Variants in XPO5 observed in about 807,000 individuals in gnomAD.
XPO5 encodes the protein exportin-5.
Under a neutral mutation model 160.6 loss-of-function variants are expected in XPO5, and 46 were observed. The observed-to-expected ratio is 0.29, with a 90% confidence interval of 0.23 to 0.37. The LOEUF (loss-of-function observed/expected upper bound fraction) is 0.37, where lower values mean the gene tolerates loss of function less well. Among genes scored for constraint, XPO5 ranks in the 10% least tolerant of loss-of-function variants. The pLI is 1.00. For missense variants in XPO5, 1,090 were observed against 1,463.9 expected (o/e 0.74, Z 4.17); for synonymous variants, 537 against 519.3 (o/e 1.03, Z -0.46).
At chr6:43,564,598 A>G (rs1382208222) in intron 8 of XPO5, among the ~76,000 whole-genome samples, 1 of 152,028 alleles carries the variant, frequency 6.6e-6, no homozygotes, top group Non-Finnish European at 1.5e-5. Context: ...TTAACTTTAT[A>G]AACTTTTAAA....
At chr6:43,545,089 T>C (rs1362995494) in intron 20 of XPO5, among the ~76,000 whole-genome samples, 2 of 151,888 alleles carry the variant, frequency 1.3e-5, no homozygotes, top group Admixed American at 1.3e-4. Flanking sequence ...GCCAGGCTGG[T>C]CTGAAACTCC....
intron 12 of XPO5, among the ~76,000 whole-genome samples, chr6:43,556,937 G>A (rs991241068): frequency 1.3e-5 from 2 of 152,060 alleles, no homozygotes; most frequent in Non-Finnish European, 2.9e-5. Context: ...AGACCAGCCT[G>A]GCCAACATGA....
At chr6:43,570,724 C>CCACTCAG in intron 4 of XPO5, 40 bp from the exon 5 acceptor site, 1 of 1,546,246 alleles carries the variant, frequency 6.5e-7, no homozygotes, top group Non-Finnish European at 8.7e-7. Context: ...ACTAAAATAT[C>CCACTCAG]TTTTCATTTT....
intron 19 of XPO5, 183 bp downstream of exon 19, chr6:43,547,422 TCTG>T: frequency 1.5e-6 from 1 of 686,726 alleles, no homozygotes; most frequent in South Asian, 1.5e-5. Context: ...GACCATCTGC[TCTG>T]CTGTGGGAAC....
At chr6:43,536,742 AGAGT>A (rs1444107458) in intron 20 of XPO5, among the ~76,000 whole-genome samples, 1 of 132,348 alleles carries the variant, frequency 7.6e-6, no homozygotes, top group Non-Finnish European at 1.6e-5. Flanking sequence ...CCTGGACGAC[AGAGT>A]GAGACTCTAT....
At chr6:43,567,611 G>A (rs1762760355) in intron 6 of XPO5, among the ~76,000 whole-genome samples, 3 of 151,990 alleles carry the variant, frequency 2.0e-5, no homozygotes, top group Non-Finnish European at 4.4e-5. Flanking sequence ...TACTTCCCAA[G>A]GCTGGGTGCA....
Position 43,531,587 on chromosome 6 carries a change from T to C in XPO5, c.2444-12A>G. 6.2e-7 allele frequency: 1 copy of C among 1,607,026 alleles called. No individual in the cohort carries two copies. The highest frequency in any genetic ancestry group is 8.5e-7 in the Non-Finnish European group (1 of 1,173,618). ...AGGTTGAGGTAATCCTACAGGGAAA[T>C]ACGGGTCAAGAACATGATGCTCCAC... On this transcript the variant is annotated splice_polypyrimidine_tract_variant and intron_variant, in intron 21 of 31. Transcript: ENST00000265351.
intron 26 of XPO5, 26 bp downstream of exon 26, chr6:43,527,608 A>G: frequency 2.5e-6 from 4 of 1,611,992 alleles, no homozygotes; most frequent in Non-Finnish European, 3.4e-6. Context: ...AATCCTCTAT[A>G]GCCCCAGTTT....
At chr6:43,555,724 G>T in intron 13 of XPO5, 112 bp downstream of exon 13, 1 of 1,287,958 alleles carries the variant, frequency 7.8e-7, no homozygotes, top group Non-Finnish European at 1.0e-6. Context: ...AGCTATTTTT[G>T]AATAGTATAA....
At chr6:43,551,742 G>C (rs932401256) in intron 14 of XPO5, among the ~76,000 whole-genome samples, 10 of 152,028 alleles carry the variant, frequency 6.6e-5, no homozygotes, top group African/African-American at 2.4e-4. Flanking sequence ...TGTCGACCAG[G>C]CTGGTCTCAA....
intron 5 of XPO5, 131 bp from the exon 6 acceptor site, chr6:43,568,868 C>G: frequency 1.4e-6 from 1 of 735,602 alleles, no homozygotes; most frequent in Non-Finnish European, 2.1e-6. Flanking sequence ...TGGAAAATAA[C>G]ACAACTTTAC....
Position 43,568,671 on chromosome 6 carries a change from G to C in XPO5, c.648+40C>G, listed in dbSNP as rs749144883. On this transcript the variant is annotated intron_variant, in intron 6 of 31. Coordinates refer to ENST00000265351, the MANE Select transcript of XPO5 (RefSeq NM_020750.3). The stretch of plus-strand genomic sequence containing the variant: ...GGGGCACGTATCCCCTCACCTGAAA[G>C]GTTCAAAGGTCTCCTTCAAACTTTA... 9 of 1,516,936 alleles carry C rather than the reference G, an allele frequency of 5.9e-6. No individual in the cohort carries two copies. In the South Asian group the frequency reaches 1.2e-4, roughly 20 times the overall value. The allele number at this position is 1,516,936 out of a possible 1,614,324, so 94.0% of individuals were successfully genotyped here.
intron 12 of XPO5, among the ~76,000 whole-genome samples, chr6:43,557,296 C>T (rs186753183): frequency 1.3e-5 from 2 of 151,444 alleles, no homozygotes; most frequent in African/African-American, 2.4e-5. Context: ...TATGATGGCA[C>T]GTGTGTGTAG....
chr6:43,524,613 C>T lies in XPO5; in HGVS notation c.3335G>A (p.Arg1112Lys). The T allele has an allele frequency of 3.1e-6, 5 of 1,613,994 alleles. No homozygotes were observed. Among genetic ancestry groups the T allele is most frequent in the Non-Finnish European group, 4.2e-6 (5 of 1,179,878 alleles). The change falls in exon 31 of 32, where the codon AGA becomes AAA. Residue 1112 changes from arginine to lysine, a missense_variant. Arg to Lys is a conservative substitution (Grantham distance 26). This residue lies in a region of XPO5 where 810 missense variants were observed against 1,139.0 expected (regional missense o/e 0.71). Coordinates refer to ENST00000265351, the MANE Select transcript of XPO5 (RefSeq NM_020750.3). ...EALRPRYLEI[R>K]AVMEQIPEIQ... is the part of the protein sequence containing the mutation. ...TTCAGGGATTTGCTCCATTACAGCT[C>T]TTATCTCCAGGTACCTGGGGCGCTG...
chr6:43,539,714 CTCGG>C (rs1561871545), intron 20 of XPO5: 4 of 659,718 alleles, frequency 6.1e-6, no homozygotes, highest in Non-Finnish European at 1.0e-5. Flanking sequence ...TTGGTGTTTT[CTCGG>C]AGAAGAAGCT....
chr6:43,570,476 ATGT>A (rs1188962207), intron 5 of XPO5, 23 bp downstream of exon 5: 1 of 1,588,548 alleles, frequency 6.3e-7, no homozygotes, highest in South Asian at 1.1e-5. Context: ...GAAAATAGAA[ATGT>A]TATAGGTAGG....
chr6:43,568,305 TCAAAAA>T (rs369040749), intron 6 of XPO5, among the ~76,000 whole-genome samples: 72 of 146,884 alleles, frequency 4.9e-4, no homozygotes, highest in Middle Eastern at 3.8e-3. Flanking sequence ...AGACTCCGTC[TCAAAAA>T]CAAAAACAAA....
intron 15 of XPO5, among the ~76,000 whole-genome samples, chr6:43,550,523 C>T (rs1160033152): frequency 1.3e-5 from 2 of 152,208 alleles, no homozygotes; most frequent in African/African-American, 4.8e-5. Context: ...TGGTGATTCA[C>T]TAGGTTCCTC....
chr6:43,535,813 CA>C lies in XPO5; in HGVS notation c.2343-1807del, dbSNP rs60341205. 8.9e-3 allele frequency among the ~76,000 whole-genome samples: 641 copies of C among 71,824 alleles called. 11 individuals are homozygous for C. Among genetic ancestry groups the C allele is most frequent in the Admixed American group, 0.071 (450 of 6,296 alleles). The allele number at this position is 71,824 out of a possible 152,430, so 47.1% of individuals were successfully genotyped here. ...TGTGTGACAGAGCGAGACTCCATCT[CA>C]AAAAAAAAAAAAAAAAAGTCATTCT... is the stretch of plus-strand genomic sequence containing the variant. On this transcript the variant is annotated intron_variant, in intron 20 of 31. Transcript: ENST00000265351.
Sources: allele counts gnomAD v4.1 joint callset (sites outside exome capture counted in the v4.1 genomes callset), GRCh38; gene constraint gnomAD v4.1.1; regional missense constraint gnomAD v4.1.1; transcripts MANE v1.5; gene names NCBI Gene and HGNC (gene_info 2026-07-23, HGNC 2026-07-21).